Variants in MMRN1 observed in about 807,000 individuals in gnomAD.
MMRN1 encodes the protein multimerin-1.
In MMRN1, 94 loss-of-function variants were observed where a neutral mutation model predicts 100.7. That is an observed-to-expected ratio of 0.93 (90% CI 0.79 to 1.11). MMRN1 has a LOEUF of 1.11. MMRN1 is among the 50% of genes least tolerant of loss of function. The pLI is 0.00. For missense variants in MMRN1, 1,606 were observed against 1,439.1 expected, an observed-to-expected ratio of 1.12 and a Z score of -1.88; for synonymous variants, 575 against 505.0, an observed-to-expected ratio of 1.14 and a Z score of -1.86.
intron 6 of MMRN1, among the ~76,000 whole-genome samples, chr4:89,942,083 A>T (rs1560597953): frequency 6.6e-6 from 1 of 152,182 alleles, no homozygotes; most frequent in Non-Finnish European, 1.5e-5. Context: ...TAATGATCAC[A>T]TTCTCTGAAC....
chr4:89,924,629 G>A (rs1011302494), intron 4 of MMRN1, among the ~76,000 whole-genome samples: 9 of 151,886 alleles, frequency 5.9e-5, no homozygotes, highest in Non-Finnish European at 8.8e-5. Context: ...TGGATCATGA[G>A]GTGAGAAGAT....
Position 89,932,361 on chromosome 4 carries a change from T to G in MMRN1, c.1130-2449T>G, listed in dbSNP as rs1289841147. Among the ~76,000 whole-genome samples, 4 of 152,290 alleles carry G rather than the reference T, an allele frequency of 2.6e-5. No individual in the cohort carries two copies. The East Asian group carries it at 7.7e-4, about 29-fold the overall frequency. ...GCTGATTTTGAAGGTCTGTGGCTTTTTCTCATGCACAGTGCAAGCTGTCAG... is the reference window on the plus strand; with the variant it reads ...GCTGATTTTGAAGGTCTGTGGCTTTGTCTCATGCACAGTGCAAGCTGTCAG... On this transcript the variant is annotated intron_variant, in intron 5 of 7. Coordinates refer to ENST00000264790, the MANE Select transcript of MMRN1 (RefSeq NM_007351.3).
intron 4 of MMRN1, among the ~76,000 whole-genome samples, chr4:89,926,285 C>T (rs1199078021): frequency 1.3e-5 from 2 of 152,112 alleles, no homozygotes; most frequent in Non-Finnish European, 2.9e-5. Flanking sequence ...TCCTTGCCAG[C>T]ATTTGTTATT....
Position 89,954,174 on chromosome 4 carries a change from C to T in MMRN1, c.*756C>T, listed in dbSNP as rs1723277372. ...TACCTACAGATCTGCCCTTCTTCTT[C>T]TAAAGGGTAAGTCATAATCTGTGTA... is the stretch of plus-strand genomic sequence containing the variant. On this transcript the variant is annotated 3_prime_UTR_variant, in exon 8 of 8. Transcript: ENST00000264790. The T allele has an allele frequency of 6.6e-6, 1 of 152,118 alleles. No homozygotes were observed. The highest frequency in any genetic ancestry group is 6.6e-5 in the Admixed American group (1 of 15,262). 9.4% of individuals were successfully genotyped at this position (152,118 alleles called of 1,614,324 possible).
At chr4:89,910,050 T>G (rs1419589683) in intron 2 of MMRN1, among the ~76,000 whole-genome samples, 3 of 151,422 alleles carry the variant, frequency 2.0e-5, no homozygotes, top group Non-Finnish European at 4.4e-5. Context: ...CAATTGTTAT[T>G]CAGGCCATGA....
At chr4:89,910,817 T>C (rs1214355004) in intron 2 of MMRN1, among the ~76,000 whole-genome samples, 1 of 151,414 alleles carries the variant, frequency 6.6e-6, no homozygotes, top group Non-Finnish European at 1.5e-5. Flanking sequence ...CTCGGTTACC[T>C]GTCATGTTAT....
chr4:89,940,499 GT>G (rs1722789533), intron 6 of MMRN1, among the ~76,000 whole-genome samples: 1 of 151,778 alleles, frequency 6.6e-6, no homozygotes, highest in African/African-American at 2.4e-5. Context: ...ATATTTAACT[GT>G]CTTATATCAC....
At chr4:89,881,829 A>C (rs1162280309) in intron 1 of MMRN1, among the ~76,000 whole-genome samples, 1 of 152,020 alleles carries the variant, frequency 6.6e-6, no homozygotes, top group African/African-American at 2.4e-5. Context: ...TTCAGAGCTA[A>C]ACAGTAATGA....
chr4:89,883,194 G>A (rs965398783), intron 1 of MMRN1, among the ~76,000 whole-genome samples: 3 of 151,964 alleles, frequency 2.0e-5, no homozygotes, highest in African/African-American at 4.8e-5. Flanking sequence ...TATTTGGGCT[G>A]TTACGAATAT....
At chr4:89,949,921 A>G (rs1436569209) in intron 6 of MMRN1, among the ~76,000 whole-genome samples, 1 of 152,230 alleles carries the variant, frequency 6.6e-6, no homozygotes, top group Non-Finnish European at 1.5e-5. Flanking sequence ...ATTAAAAATC[A>G]TCAACAATCA....
At chr4:89,920,807 G>T (rs1005390470) in intron 3 of MMRN1, among the ~76,000 whole-genome samples, 1 of 150,736 alleles carries the variant, frequency 6.6e-6, no homozygotes, top group African/African-American at 2.4e-5. Context: ...GTAGAGTTTT[G>T]TTTTTTTTGT....
At chr4:89,924,061 C>T (rs1024425942) in intron 4 of MMRN1, among the ~76,000 whole-genome samples, 1 of 152,126 alleles carries the variant, frequency 6.6e-6, no homozygotes, top group Non-Finnish European at 1.5e-5. Context: ...AGTATTATTG[C>T]TATATAAAGT....
intron 1 of MMRN1, among the ~76,000 whole-genome samples, chr4:89,907,573 T>C (rs1035594453): frequency 2.0e-5 from 3 of 151,420 alleles, no homozygotes; most frequent in Admixed American, 6.6e-5. Context: ...CTCATGTTTA[T>C]TCTGCCCAAT....
chr4:89,930,820 C>T (rs1002752065), intron 5 of MMRN1, among the ~76,000 whole-genome samples: 1 of 151,934 alleles, frequency 6.6e-6, no homozygotes, highest in Admixed American at 6.6e-5. Flanking sequence ...TGTATTTCAT[C>T]AATATTTATT....
At chr4:89,886,105 G>A (rs1442864714) in intron 1 of MMRN1, among the ~76,000 whole-genome samples, 1 of 141,774 alleles carries the variant, frequency 7.1e-6, no homozygotes, top group East Asian at 2.0e-4. Flanking sequence ...TTCCCATGCT[G>A]GTCTCAAACT....
chr4:89,934,307 T>C (rs1722533160), intron 5 of MMRN1, among the ~76,000 whole-genome samples: 1 of 152,174 alleles, frequency 6.6e-6, no homozygotes, highest in African/African-American at 2.4e-5. Context: ...TTTTTCCTCA[T>C]TTGAGAATAT....
At chr4:89,912,094 CTG>C in intron 3 of MMRN1, 44 bp downstream of exon 3, 1 of 1,336,840 alleles carries the variant, frequency 7.5e-7, no homozygotes, top group Middle Eastern at 1.9e-4. Context: ...CAATAAGAAA[CTG>C]ATTCTATTGA....
chr4:89,953,365 G>A lies in MMRN1; in HGVS notation c.3634G>A (p.Ala1212Thr). ...ACGACTTGCAAAAGGAACAATTCCA[G>A]CCAAGTTTCCCCCTGTTACTACATT... ...WLRLAKGTIP[A>T]KFPPVTTFSG... Residue 1212 changes from alanine to threonine, a missense_variant, in exon 8 of 8, where the codon GCC becomes ACC. Physicochemically the swap from Ala to Thr is moderately conservative, Grantham distance 58. Coordinates refer to ENST00000264790, the MANE Select transcript of MMRN1 (RefSeq NM_007351.3). 1 of 1,613,082 alleles carries A rather than the reference G, an allele frequency of 6.2e-7. No individual in the cohort carries two copies.
At chr4:89,913,124 C>T (rs190053781) in intron 3 of MMRN1, among the ~76,000 whole-genome samples, 5 of 150,992 alleles carry the variant, frequency 3.3e-5, no homozygotes, top group African/African-American at 4.8e-5. Flanking sequence ...CAAATATGGC[C>T]CTGATTTCTG....
Sources: gnomAD v4.1 joint callset for allele counts (sites outside exome capture counted in the v4.1 genomes callset) on GRCh38, gnomAD v4.1.1 for gene constraint, MANE v1.5 for transcripts, NCBI Gene and HGNC (gene_info 2026-07-23, HGNC 2026-07-21) for gene names.